Variants in CSMD1 observed in about 807,000 individuals in gnomAD.
The protein encoded by CSMD1 is CUB and Sushi multiple domains 1, also known as CUB and sushi domain-containing protein 1.
CSMD1 carries 213 observed loss-of-function variants against 417.5 expected under a neutral mutation model. The observed-to-expected ratio is 0.51, with a 90% CI of 0.46 to 0.57. The LOEUF (loss-of-function observed/expected upper bound fraction) is 0.57. CSMD1 is among the 20% of genes least tolerant of loss of function. The pLI is 0.00. For synonymous variants in CSMD1, 2,862 were observed against 1,736.8 expected, an observed-to-expected ratio of 1.65 and a Z score of -16.11; for missense variants, 6,923 against 4,529.7, an observed-to-expected ratio of 1.53 and a Z score of -15.17.
chr8:4,177,970 T>G (rs544389306), intron 3 of CSMD1, among the ~76,000 whole-genome samples: 1 of 152,134 alleles, frequency 6.6e-6, no homozygotes, highest in Non-Finnish European at 1.5e-5. Context: ...TCCAGGATCA[T>G]ATGGACTCAC....
intron 3 of CSMD1, among the ~76,000 whole-genome samples, chr8:4,038,652 C>A (rs1056527896): frequency 2.6e-5 from 4 of 152,058 alleles, no homozygotes; most frequent in African/African-American, 4.8e-5. Context: ...ACTTTTAATT[C>A]TCTTTATTTA....
At chr8:3,503,853 C>A (rs939934936) in intron 10 of CSMD1, among the ~76,000 whole-genome samples, 1 of 150,098 alleles carries the variant, frequency 6.7e-6, no homozygotes, top group African/African-American at 2.5e-5. Flanking sequence ...AACCCCCACA[C>A]TCTTCCTAGC....
chr8:3,959,642 T>TCCCAAAGCATCCAAATCATAAACC (rs1342005704), intron 5 of CSMD1, among the ~76,000 whole-genome samples: 2 of 152,350 alleles, frequency 1.3e-5, no homozygotes, highest in South Asian at 4.1e-4. Context: ...TTTATGTTTT[T>TCCCAAAGCATCCAAATCATAAACC]GCCATGCTTT....
intron 3 of CSMD1, among the ~76,000 whole-genome samples, chr8:4,090,855 C>A (rs1349536097): frequency 1.3e-5 from 2 of 151,492 alleles, no homozygotes; most frequent in East Asian, 1.9e-4. Flanking sequence ...CGAAGGGATG[C>A]CATAACTATT....
chr8:3,498,742 T>G (rs563365394), intron 10 of CSMD1, among the ~76,000 whole-genome samples: 2 of 152,304 alleles, frequency 1.3e-5, no homozygotes, highest in African/African-American at 2.4e-5. Flanking sequence ...GTCTCCAGGT[T>G]CAGAAATTCT....
At chr8:3,753,442 C>G (rs928236722) in intron 6 of CSMD1, among the ~76,000 whole-genome samples, 6 of 152,180 alleles carry the variant, frequency 3.9e-5, no homozygotes, top group African/African-American at 1.4e-4. Flanking sequence ...TTTTGCTCAG[C>G]TGCAGGAAAT....
intron 1 of CSMD1, among the ~76,000 whole-genome samples, chr8:4,647,926 A>G (rs767569963): frequency 1.3e-5 from 2 of 152,224 alleles, no homozygotes; most frequent in Non-Finnish European, 2.9e-5. Context: ...CTTTGGGTAT[A>G]TACCCAGTAA....
At chr8:4,940,594 G>A (rs980328732) in intron 1 of CSMD1, among the ~76,000 whole-genome samples, 1 of 152,162 alleles carries the variant, frequency 6.6e-6, no homozygotes, top group East Asian at 1.9e-4. Flanking sequence ...GCAGGTCAGT[G>A]TTTTGATTCT....
intron 5 of CSMD1, among the ~76,000 whole-genome samples, chr8:3,954,880 G>C (rs1811835234): frequency 6.6e-6 from 1 of 152,146 alleles, no homozygotes. Flanking sequence ...TCCTTATTCT[G>C]GTGGAGGGTA....
chr8:4,154,657 G>C (rs556058548), intron 3 of CSMD1, among the ~76,000 whole-genome samples: 29 of 152,336 alleles, frequency 1.9e-4, no homozygotes, highest in Non-Finnish European at 3.4e-4. Flanking sequence ...TTGTATTCTA[G>C]TCCCTTAGTT....
chr8:4,024,129 A>G (rs1796938810), intron 4 of CSMD1, among the ~76,000 whole-genome samples: 1 of 152,166 alleles, frequency 6.6e-6, no homozygotes, highest in Admixed American at 6.5e-5. Flanking sequence ...AAGAGATGTT[A>G]CCAAAAATTA....
intron 10 of CSMD1, among the ~76,000 whole-genome samples, chr8:3,529,004 C>T (rs974179261): frequency 2.6e-5 from 4 of 152,064 alleles, no homozygotes; most frequent in Admixed American, 6.6e-5. Flanking sequence ...TTTTCAGAAG[C>T]CCAAAATATT....
chr8:2,959,740 T>C lies in CSMD1; in HGVS notation c.9702+1401A>G, dbSNP rs539228147. ...AATGGCTCACTTTGTGTAAGTAAGG[T>C]TTCAGCATATGGTGCTAAAGAAAAC... On this transcript the variant is annotated intron_variant, in intron 62 of 69. Coordinates refer to ENST00000635120, the MANE Select transcript of CSMD1 (RefSeq NM_033225.6). Among the ~76,000 whole-genome samples the C allele has an allele frequency of 3.9e-5, 6 of 152,200 alleles. No homozygotes were observed. The South Asian group carries it at 1.2e-3, about 32-fold the overall frequency.
chr8:3,756,796 G>C (rs912777114), intron 5 of CSMD1, among the ~76,000 whole-genome samples: 11 of 144,354 alleles, frequency 7.6e-5, no homozygotes, highest in African/African-American at 2.5e-4. Context: ...AAACCAGGTG[G>C]AATTTTTTTT....
chr8:4,349,634 T>C (rs939725602), intron 3 of CSMD1, among the ~76,000 whole-genome samples: 2 of 152,174 alleles, frequency 1.3e-5, no homozygotes, highest in Admixed American at 6.5e-5. Context: ...AATTTCACAA[T>C]TGCATACCTT....
At chr8:4,126,635 T>C (rs1031734805) in intron 3 of CSMD1, among the ~76,000 whole-genome samples, 2 of 152,198 alleles carry the variant, frequency 1.3e-5, no homozygotes, top group Non-Finnish European at 2.9e-5. Context: ...TGAGGCTTTC[T>C]GTATTTGGTT....
intron 20 of CSMD1, among the ~76,000 whole-genome samples, chr8:3,366,162 A>C (rs13266298): frequency 6.6e-6 from 1 of 152,108 alleles, no homozygotes; most frequent in South Asian, 2.1e-4. Flanking sequence ...CGTCCAAAGC[A>C]TCATATGCAC....
chr8:3,136,268 G>GC (rs1818082061), intron 41 of CSMD1, among the ~76,000 whole-genome samples: 2 of 77,238 alleles, frequency 2.6e-5, no homozygotes, highest in Admixed American at 1.5e-4. Context: ...TTTTTTTTTT[G>GC]CCCCCCGAGA....
chr8:3,843,546 A>C (rs1334137424), intron 5 of CSMD1, among the ~76,000 whole-genome samples: 1 of 152,194 alleles, frequency 6.6e-6, no homozygotes, highest in Non-Finnish European at 1.5e-5. Context: ...GTAAAAAAAA[A>C]ACAAGTTATT....
Sources: allele counts gnomAD v4.1 joint callset (sites outside exome capture counted in the v4.1 genomes callset), GRCh38; gene constraint gnomAD v4.1.1; transcripts MANE v1.5; gene names NCBI Gene and HGNC (gene_info 2026-07-23, HGNC 2026-07-21).